LAMA2: variants seen among roughly 807,000 people sequenced by gnomAD.
LAMA2 encodes laminin subunit alpha-2.
LAMA2 carries 269 observed loss-of-function variants against 364.8 expected under a neutral mutation model. The ratio of observed to expected loss-of-function variants is 0.74; its 90% CI spans 0.67 to 0.82. The LOEUF is 0.82. Ranked by LOEUF, LAMA2 falls within the 40% of genes least tolerant of loss-of-function variation. The pLI is 0.00. For synonymous variants in LAMA2, 1,379 were observed against 1,370.6 expected (o/e 1.01, Z -0.14); for missense variants, 3,807 against 3,873.2 (o/e 0.98, Z 0.45).
In LAMA2 at chr6:129,480,686, T is replaced by G. The variant is rs2114838131; in HGVS notation, c.7573-577T>G. On this transcript the variant is annotated intron_variant, in intron 54 of 64. Coordinates refer to ENST00000421865, the MANE Select transcript of LAMA2 (RefSeq NM_000426.4). ...CTACTTGAAATGTAACTGTTTTAATTTTATACTGAGCAAGGACAATGGTAT... is the reference window on the plus strand; with the variant it reads ...CTACTTGAAATGTAACTGTTTTAATGTTATACTGAGCAAGGACAATGGTAT... Among the ~76,000 whole-genome samples, 2 of 152,300 alleles carry G rather than the reference T, an allele frequency of 1.3e-5. 1 individual carries two copies. Among genetic ancestry groups the G allele is most frequent in the Admixed American group, 1.3e-4 (2 of 15,296 alleles).
rs114241217 is a variant in LAMA2, at chr6:129,194,051, G to A, written c.1782+1198G>A. ...ATTCAATAGCTGTAAAATAAAAATC[G>A]AATTAAACTTTTATTTGCAAGGCCC... is the stretch of plus-strand genomic sequence containing the variant. On this transcript the variant is annotated intron_variant, in intron 12 of 64. Coordinates refer to ENST00000421865, the MANE Select transcript of LAMA2 (RefSeq NM_000426.4). 5.9e-3 allele frequency among the ~76,000 whole-genome samples: 896 copies of A among 152,036 alleles called. 6 individuals are homozygous for A. Among genetic ancestry groups the A allele is most frequent in the African/African-American group, 0.02 (847 of 41,478 alleles).
At chr6:128,936,068 T>A (rs1204737515) in intron 1 of LAMA2, among the ~76,000 whole-genome samples, 1 of 152,212 alleles carries the variant, frequency 6.6e-6, no homozygotes, top group Non-Finnish European at 1.5e-5. Flanking sequence ...CACTTCTTCT[T>A]CCTGCTGCCT....
chr6:129,174,297 A>AT (rs1477646000), intron 9 of LAMA2, among the ~76,000 whole-genome samples: 1 of 151,962 alleles, frequency 6.6e-6, no homozygotes, highest in African/African-American at 2.4e-5. Context: ...TTCAAACTAC[A>AT]TTTTGTTTTC....
Position 129,401,205 on chromosome 6 carries a change from TGTTCATAATGGTC to T in LAMA2, c.5446-18_5446-6del, listed in dbSNP as rs774046017. 1 of 1,462,182 alleles carries T rather than the reference TGTTCATAATGGTC, an allele frequency of 6.8e-7. No individual in the cohort carries two copies. The allele number at this position is 1,462,182 out of a possible 1,614,324, so 90.6% of individuals were successfully genotyped here. A position where few individuals can be genotyped will look rare whatever the true frequency, so the allele number is the denominator to read the frequency against. On this transcript the variant is annotated splice_region_variant and splice_polypyrimidine_tract_variant and intron_variant, in intron 37 of 64. Coordinates refer to ENST00000421865, the MANE Select transcript of LAMA2 (RefSeq NM_000426.4). ...TTATGAAAATGCAATTTTGATGTCT[TGTTCATAATGGTC>T]TACAGAAAAAGAAGGAGGCTGTTGA... is the stretch of plus-strand genomic sequence containing the variant.
intron 53 of LAMA2, among the ~76,000 whole-genome samples, chr6:129,478,020 G>A (rs536123562): frequency 3.0e-4 from 45 of 152,106 alleles, no homozygotes; most frequent in East Asian, 7.8e-4. Context: ...TCTTGAACTC[G>A]TGGCCTCAAG....
At chr6:129,342,508 G>A (rs530596686) in intron 30 of LAMA2, 41 bp downstream of exon 30, 25 of 1,602,666 alleles carry the variant, frequency 1.6e-5, no homozygotes, top group East Asian at 2.2e-5. Context: ...AATCAGAAAC[G>A]CCATCTGTCT....
chr6:129,174,339 A>G (rs915814044), intron 9 of LAMA2, among the ~76,000 whole-genome samples: 3 of 151,994 alleles, frequency 2.0e-5, no homozygotes, highest in South Asian at 2.1e-4. Flanking sequence ...TACATTTAAT[A>G]TTACTTTCAG....
At chr6:129,084,198 G>C (rs1023499701) in intron 3 of LAMA2, among the ~76,000 whole-genome samples, 5 of 152,144 alleles carry the variant, frequency 3.3e-5, no homozygotes, top group African/African-American at 1.2e-4. Flanking sequence ...GCTAGCCAAA[G>C]CAGGTTTGAC....
At chr6:129,118,528 T>C (rs1343206057) in intron 4 of LAMA2, among the ~76,000 whole-genome samples, 1 of 152,226 alleles carries the variant, frequency 6.6e-6, no homozygotes, top group Non-Finnish European at 1.5e-5. Context: ...ATACTGAACA[T>C]AGTTAAAAGA....
intron 11 of LAMA2, among the ~76,000 whole-genome samples, chr6:129,192,019 A>T (rs941730312): frequency 2.6e-5 from 4 of 152,172 alleles, no homozygotes; most frequent in Non-Finnish European, 5.9e-5. Flanking sequence ...TGGGCCAGGG[A>T]TCTAGGCTGT....
At chr6:129,405,357 A>T (rs1780194164) in intron 40 of LAMA2, among the ~76,000 whole-genome samples, 1 of 152,148 alleles carries the variant, frequency 6.6e-6, no homozygotes, top group Non-Finnish European at 1.5e-5. Context: ...ACATTTTATG[A>T]TAAGGAGGTG....
chr6:129,210,576 C>T (rs1783030627), intron 12 of LAMA2, among the ~76,000 whole-genome samples: 1 of 150,164 alleles, frequency 6.7e-6, no homozygotes, highest in African/African-American at 2.4e-5. Flanking sequence ...TTGAAGATAG[C>T]TTCAGATTCT....
intron 30 of LAMA2, among the ~76,000 whole-genome samples, chr6:129,346,183 A>G (rs1344936087): frequency 6.6e-6 from 1 of 152,186 alleles, no homozygotes; most frequent in Non-Finnish European, 1.5e-5. Flanking sequence ...AGGAAAGATC[A>G]GACTCTTTGA....
chr6:129,376,400 T>G (rs1778377451), intron 34 of LAMA2, among the ~76,000 whole-genome samples: 1 of 152,210 alleles, frequency 6.6e-6, no homozygotes. Context: ...TTTTAGCTGG[T>G]CTCTCTGCTT....
At chr6:129,064,497 C>T (rs1789162124) in intron 3 of LAMA2, among the ~76,000 whole-genome samples, 1 of 151,670 alleles carries the variant, frequency 6.6e-6, no homozygotes. Context: ...AAGAGATTAG[C>T]AAAACTGTCA....
chr6:129,259,299 T>C (rs1448119607), intron 14 of LAMA2, among the ~76,000 whole-genome samples: 2 of 152,240 alleles, frequency 1.3e-5, no homozygotes, highest in South Asian at 2.1e-4. Context: ...TTCCCAGCAT[T>C]GATTCCCAAA....
intron 1 of LAMA2, among the ~76,000 whole-genome samples, chr6:128,909,147 C>G (rs370484418): frequency 6.6e-6 from 1 of 151,598 alleles, no homozygotes; most frequent in Non-Finnish European, 1.5e-5. Flanking sequence ...AGATGTCTAT[C>G]AGGTCCGCTT....
intron 1 of LAMA2, among the ~76,000 whole-genome samples, chr6:128,995,384 C>G (rs375268655): frequency 6.6e-6 from 1 of 152,180 alleles, no homozygotes; most frequent in African/African-American, 2.4e-5. Flanking sequence ...TGCAGTGGCA[C>G]GATCTCGGCT....
chr6:129,476,891 G>A (rs138718275), intron 53 of LAMA2, among the ~76,000 whole-genome samples: 10 of 152,278 alleles, frequency 6.6e-5, no homozygotes, highest in Non-Finnish European at 1.5e-4. Flanking sequence ...GAGTGCGGGG[G>A]TGGAAACAGA....
Sources: allele counts gnomAD v4.1 joint callset (sites outside exome capture counted in the v4.1 genomes callset), GRCh38; gene constraint gnomAD v4.1.1; transcripts MANE v1.5; gene names NCBI Gene and HGNC (gene_info 2026-07-23, HGNC 2026-07-21).